The following DOT1L variants were observed in gnomAD, a reference collection of about 807,000 sequenced individuals.
DOT1L encodes the protein DOT1 like histone lysine methyltransferase, also known as histone-lysine N-methyltransferase, H3 lysine-79 specific.
In DOT1L, 33 loss-of-function variants were observed where a neutral mutation model predicts 153.3. The observed-to-expected ratio is 0.22, with a 90% CI of 0.16 to 0.29. The LOEUF (loss-of-function observed/expected upper bound fraction) is 0.29, where lower values mean the gene tolerates loss of function less well. Ranked by LOEUF, DOT1L falls within the 10% of genes least tolerant of loss-of-function variation. The pLI is 1.00. For missense variants in DOT1L, 1,847 were observed against 2,119.9 expected (o/e 0.87, Z 2.53); for synonymous variants, 1,135 against 965.1 (o/e 1.18, Z -3.26).
In DOT1L at chr19:2,177,037, C is replaced by T. The variant is rs867401248; in HGVS notation, c.82-3676C>T. ...GAGAGCAGGCTGGCCCTCTGGGTCT[C>T]GCTTCAGATGCGTAGAACCCAGTGC... On this transcript the variant is annotated intron_variant, in intron 1 of 27. Coordinates refer to ENST00000398665, the MANE Select transcript of DOT1L (RefSeq NM_032482.3). Among the ~76,000 whole-genome samples the T allele has an allele frequency of 8.5e-5, 13 of 152,334 alleles. 1 individual carries two copies. In the Middle Eastern group the frequency reaches 0.024, roughly 279 times the overall value.
Position 2,230,507 on chromosome 19 carries a change from G to A in DOT1L, c.*715G>A, listed in dbSNP as rs556520117. 8.8e-5 allele frequency: 35 copies of A among 398,828 alleles called. No individual in the cohort carries two copies. In the South Asian group the frequency reaches 3.0e-3, roughly 35 times the overall value. The allele number at this position is 398,828 out of a possible 1,614,324, so 24.7% of individuals were successfully genotyped here. ...TGCGCGATGGTGCTGTGAGGACGGC[G>A]CGGGCACGTTGAACAAGTGCATTTA... On this transcript the variant is annotated 3_prime_UTR_variant, in exon 28 of 28. Transcript: ENST00000398665.
chr19:2,226,567 C>A lies in DOT1L; in HGVS notation c.4046C>A (p.Ser1349Tyr), dbSNP rs747641301. The A allele has an allele frequency of 1.9e-6, 3 of 1,600,308 alleles. No individual in the cohort carries two copies. Among genetic ancestry groups the A allele is most frequent in the Non-Finnish European group, 2.5e-6 (3 of 1,178,620 alleles). The change falls in exon 27 of 28, where the codon TCC (serine) becomes TAC (tyrosine). Residue 1349 changes from serine (S) to tyrosine (Y), a missense_variant. Physicochemically the swap from Ser to Tyr is moderately radical, Grantham distance 144. This residue lies in a region of DOT1L where 934 missense variants were observed against 825.3 expected (regional missense o/e 1.13). Coordinates refer to ENST00000398665, the MANE Select transcript of DOT1L (RefSeq NM_032482.3). Reference sequence around the variant, plus strand: ...GGCCCCGAGGCGGCCGGCCTGAGCTCCCCGCTGAGCTTCCCCTCGCAGCGC... The same window carrying A: ...GGCCCCGAGGCGGCCGGCCTGAGCTACCCGCTGAGCTTCCCCTCGCAGCGC... Reference protein sequence around the residue: ...HKGPEAAGLSSPLSFPSQRGK... With the variant: ...HKGPEAAGLSYPLSFPSQRGK...
intron 2 of DOT1L, among the ~76,000 whole-genome samples, chr19:2,185,328 C>T (rs900098621): frequency 4.6e-5 from 7 of 152,188 alleles, no homozygotes; most frequent in African/African-American, 7.2e-5. Context: ...TGTGTGGCCT[C>T]GAAGCCACGT....
chr19:2,229,164 T>G (rs2144958032), intron 27 of DOT1L: 1 of 985,412 alleles, frequency 1.0e-6, no homozygotes, highest in South Asian at 4.7e-5. Context: ...GTGATTTTGA[T>G]GATGTGAGGC....
chr19:2,210,472 C>T lies in DOT1L; in HGVS notation c.1078C>T (p.Pro360Ser), dbSNP rs748451743. ...CAACGCGGCCACGCCCACTAAGGGCCCAGAGGGCAAGGTGGCCGGCCCCGC... is the reference window on the plus strand; with the variant it reads ...CAACGCGGCCACGCCCACTAAGGGCTCAGAGGGCAAGGTGGCCGGCCCCGC... ...KSNAATPTKG[P>S]EGKVAGPADA... Residue 360 changes from proline (P) to serine (S), a missense_variant, in exon 13 of 28, where the codon CCA becomes TCA. Around this residue, in one of 8 missense-constraint regions of DOT1L, gnomAD observed 205 missense variants for 203.1 expected, o/e 1.01. Transcript: ENST00000398665. 6.3e-6 allele frequency: 10 copies of T among 1,592,868 alleles called. No homozygotes were observed. Among genetic ancestry groups the T allele is most frequent in the Non-Finnish European group, 2.6e-6 (3 of 1,172,362 alleles).
At chr19:2,219,297 C>T (rs1357856608) in intron 22 of DOT1L, among the ~76,000 whole-genome samples, 4 of 152,206 alleles carry the variant, frequency 2.6e-5, no homozygotes, top group Admixed American at 1.3e-4. Context: ...TGTCAGCCCC[C>T]GTGCCCGGCC....
chr19:2,197,299 C>T lies in DOT1L; in HGVS notation c.652-2585C>T, dbSNP rs182617712. Among the ~76,000 whole-genome samples the T allele has an allele frequency of 1.6e-3, 250 of 152,322 alleles. 1 individual carries two copies. Among genetic ancestry groups the T allele is most frequent in the African/African-American group, 5.8e-3 (242 of 41,560 alleles). On this transcript the variant is annotated intron_variant, in intron 7 of 27. Coordinates refer to ENST00000398665, the MANE Select transcript of DOT1L (RefSeq NM_032482.3). The surrounding 1 kb of genome is among the most constrained non-coding windows in gnomAD (Gnocchi z 4.1). ...CTGTGTGGTGTCCTGGGTTCTGGGTCCACTTGCACTCTGGCCGGAAGTTCC... is the reference window on the plus strand; with the variant it reads ...CTGTGTGGTGTCCTGGGTTCTGGGTTCACTTGCACTCTGGCCGGAAGTTCC...
chr19:2,172,976 CAA>C (rs35030730), intron 1 of DOT1L, among the ~76,000 whole-genome samples: 20 of 124,308 alleles, frequency 1.6e-4, no homozygotes, highest in East Asian at 4.6e-4. Flanking sequence ...GACTCCATCT[CAA>C]AAAAAAAAAA....
chr19:2,196,114 C>A (rs148150845), intron 7 of DOT1L, among the ~76,000 whole-genome samples: 4 of 152,250 alleles, frequency 2.6e-5, no homozygotes, highest in Non-Finnish European at 5.9e-5. Flanking sequence ...AGTGGGCGTG[C>A]GTCCTGCCTA....
intron 1 of DOT1L, among the ~76,000 whole-genome samples, chr19:2,180,490 G>C (rs1376934478): frequency 1.3e-5 from 2 of 152,150 alleles, no homozygotes; most frequent in Non-Finnish European, 2.9e-5. Flanking sequence ...CCTGTAGTAG[G>C]ACACAGCGTG....
Position 2,227,005 on chromosome 19 carries a change from A to G in DOT1L, c.4484A>G (p.Gln1495Arg), listed in dbSNP as rs2024373677. The G allele has an allele frequency of 1.3e-6, 2 of 1,592,328 alleles. No individual in the cohort carries two copies. The highest frequency in any genetic ancestry group is 1.1e-5 in the South Asian group (1 of 89,960). ...LGSVAGSSVL[Q>R]SLFSSVPAAA... ...TCCGTGGCCGGCTCCTCCGTGCTGC[A>G]GTCGCTGTTCAGCTCTGTGCCGGCC... Residue 1495 changes from glutamine (Q) to arginine (R), a missense_variant, in exon 27 of 28, where the codon CAG (glutamine) becomes CGG (arginine). Gln to Arg is a conservative substitution (Grantham distance 43). This residue lies in a region of DOT1L where 934 missense variants were observed against 825.3 expected (regional missense o/e 1.13). Coordinates refer to ENST00000398665, the MANE Select transcript of DOT1L (RefSeq NM_032482.3).
rs1000189595 is a variant in DOT1L at position 2,231,792 on chromosome 19, C to T, written c.*2000C>T. The T allele has an allele frequency of 9.2e-6, 2 of 216,496 alleles. No individual in the cohort carries two copies. Among genetic ancestry groups the T allele is most frequent in the Admixed American group, 1.2e-4 (2 of 17,110 alleles). The allele number at this position is 216,496 out of a possible 1,614,324, so 13.4% of individuals were successfully genotyped here. A position where few individuals can be genotyped will look rare whatever the true frequency, so the allele number is the denominator to read the frequency against. Reference sequence around the variant, plus strand: ...AACACTGTATTACTTCTGCCTCCCTCTAGGTGACAGTGGCAGTCCGGGTGC... The same window carrying T: ...AACACTGTATTACTTCTGCCTCCCTTTAGGTGACAGTGGCAGTCCGGGTGC... On this transcript the variant is annotated 3_prime_UTR_variant, in exon 28 of 28. Coordinates refer to ENST00000398665, the MANE Select transcript of DOT1L (RefSeq NM_032482.3).
chr19:2,180,485 A>G (rs1039622548), intron 1 of DOT1L, among the ~76,000 whole-genome samples: 2 of 152,158 alleles, frequency 1.3e-5, no homozygotes, highest in Non-Finnish European at 2.9e-5. Context: ...CGCTGCCTGT[A>G]GTAGGACACA....
At chr19:2,218,888 G>C (rs976029419) in intron 22 of DOT1L, among the ~76,000 whole-genome samples, 5 of 151,984 alleles carry the variant, frequency 3.3e-5, no homozygotes, top group Non-Finnish European at 4.4e-5. Context: ...AGCTGAGACG[G>C]AGTCTTGCTC....
chr19:2,165,347 A>G (rs1353317923), intron 1 of DOT1L, among the ~76,000 whole-genome samples: 2 of 152,058 alleles, frequency 1.3e-5, no homozygotes, highest in Non-Finnish European at 2.9e-5. Context: ...CAGGACGCGG[A>G]GAGCGCTGGG....
At chr19:2,201,240 C>G (rs2023266859) in intron 8 of DOT1L, among the ~76,000 whole-genome samples, 1 of 151,194 alleles carries the variant, frequency 6.6e-6, no homozygotes, top group East Asian at 2.0e-4. Context: ...CATTCCTCGT[C>G]CTCCCCTCAT....
intron 9 of DOT1L, among the ~76,000 whole-genome samples, chr19:2,203,029 C>G (rs1480061073): frequency 6.6e-6 from 1 of 152,146 alleles, no homozygotes; most frequent in Non-Finnish European, 1.5e-5. Flanking sequence ...TCAAGCGATT[C>G]TTCTGCGTCA....
chr19:2,230,693 C>G lies in DOT1L; in HGVS notation c.*901C>G, dbSNP rs752645508. ...GAATTTATAAATTTCATAGATTTGA[C>G]AGCTTTTATTTTTAGATGGTATAAT... On this transcript the variant is annotated 3_prime_UTR_variant, in exon 28 of 28. Transcript: ENST00000398665. 1 of 397,970 alleles carries G rather than the reference C, an allele frequency of 2.5e-6. No individual in the cohort carries two copies. The highest frequency in any genetic ancestry group is 4.4e-6 in the Non-Finnish European group (1 of 226,060). 24.7% of individuals were successfully genotyped at this position (397,970 alleles called of 1,614,324 possible).
At position 2,204,783 on chromosome 19, in the gene DOT1L, C is replaced by T. The variant is rs1247070108; in HGVS notation, c.788-1946C>T. On this transcript the variant is annotated intron_variant, in intron 9 of 27. Transcript: ENST00000398665. This position sits in a 1 kb window ranked among gnomAD's most constrained non-coding sequence, Gnocchi z 5.7. ...TGCAACCATTAGACGTGGCCCTGCTCATGTTTGAGGTCCTCTGGTAGGGAT... is the reference window on the plus strand; with the variant it reads ...TGCAACCATTAGACGTGGCCCTGCTTATGTTTGAGGTCCTCTGGTAGGGAT... Among the ~76,000 whole-genome samples the T allele has an allele frequency of 6.6e-6, 1 of 152,156 alleles. No individual in the cohort carries two copies. The highest frequency in any genetic ancestry group is 1.5e-5 in the Non-Finnish European group (1 of 68,034).
Sources: gnomAD v4.1 joint callset for allele counts (sites outside exome capture counted in the v4.1 genomes callset) on GRCh38, gnomAD v4.1.1 for gene constraint, gnomAD v4.1.1 regional missense constraint, Gnocchi (gnomAD v3.1) non-coding constraint, MANE v1.5 for transcripts, NCBI Gene and HGNC (gene_info 2026-07-23, HGNC 2026-07-21) for gene names.